The following INSL6 variants were observed in gnomAD, a reference collection of about 807,000 sequenced individuals.
INSL6 encodes insulin-like peptide INSL6.
In INSL6, 16 loss-of-function variants were observed where a neutral mutation model predicts 9.4. The observed-to-expected ratio is 1.70, with a 90% CI of 1.15 to 2.59. INSL6 has a LOEUF of 2.59. Among genes scored for constraint, INSL6 ranks in the 30% most tolerant of loss-of-function variants. The probability of loss-of-function intolerance (pLI) is 0.00; values close to 1 mark genes in which losing one functional copy is unlikely to be tolerated. For synonymous variants in INSL6, 154 were observed against 96.9 expected, an observed-to-expected ratio of 1.59 and a Z score of -3.46; for missense variants, 391 against 257.3, an observed-to-expected ratio of 1.52 and a Z score of -3.56.
intron 3 of INSL6, chr9:5,127,000 T>G: frequency 3.2e-6 from 1 of 309,898 alleles, no homozygotes; most frequent in Admixed American, 5.0e-5. Flanking sequence ...GAGAATTCCT[T>G]AGCAAGGATT....
chr9:5,073,527 C>G, the INSL6 span, among the ~76,000 whole-genome samples: 4 of 152,272 alleles, frequency 2.6e-5, no homozygotes, highest in African/African-American at 9.6e-5. Flanking sequence ...TTCCTCAGAA[C>G]GTTGATGGCA....
At chr9:5,116,130 C>T in the INSL6 span, among the ~76,000 whole-genome samples, 1 of 151,954 alleles carries the variant, frequency 6.6e-6, no homozygotes, top group South Asian at 2.1e-4. Flanking sequence ...TGGATAATCT[C>T]ATTTAATCCT....
chr9:5,088,207 C>T, the INSL6 span, among the ~76,000 whole-genome samples: 1 of 152,154 alleles, frequency 6.6e-6, no homozygotes, highest in Admixed American at 6.5e-5. Flanking sequence ...TAGTTCCAAT[C>T]TGACTTGAGA....
At chr9:5,183,995 G>A (rs12005718) in intron 1 of INSL6, among the ~76,000 whole-genome samples, 13,314 of 152,210 alleles carry the variant, frequency 0.087, 1,966 homozygotes, top group African/African-American at 0.31. Flanking sequence ...AGACTGGGGA[G>A]AGACACTTCC....
At chr9:5,166,692 A>C (rs1471433090) in intron 1 of INSL6, among the ~76,000 whole-genome samples, 1 of 152,190 alleles carries the variant, frequency 6.6e-6, no homozygotes, top group Non-Finnish European at 1.5e-5. Context: ...CCTTCAAAAA[A>C]ACACAGATAT....
chr9:4,996,743 C>T, the INSL6 span, among the ~76,000 whole-genome samples: 2 of 151,522 alleles, frequency 1.3e-5, no homozygotes, highest in Admixed American at 6.6e-5. Context: ...AAGTATTCTG[C>T]GATAATTGGA....
intron 2 of INSL6, among the ~76,000 whole-genome samples, chr9:5,135,984 T>C (rs752812405): frequency 3.3e-5 from 5 of 152,196 alleles, no homozygotes; most frequent in Non-Finnish European, 7.3e-5. Flanking sequence ...CCATCGGGAA[T>C]ACTATAAACA....
chr9:5,166,973 G>C (rs969889620), intron 1 of INSL6, among the ~76,000 whole-genome samples: 1 of 152,194 alleles, frequency 6.6e-6, no homozygotes, highest in South Asian at 2.1e-4. Flanking sequence ...CAAGATGGCT[G>C]AATAGAAACA....
At chr9:5,082,607 G>C in the INSL6 span, among the ~76,000 whole-genome samples, 3 of 152,336 alleles carry the variant, frequency 2.0e-5, no homozygotes, top group East Asian at 5.8e-4. Context: ...CTGGGGGACG[G>C]TCAGGTCTTT....
the INSL6 span, among the ~76,000 whole-genome samples, chr9:5,013,467 C>G: frequency 3.3e-5 from 5 of 152,160 alleles, no homozygotes; most frequent in African/African-American, 7.2e-5. Flanking sequence ...TTGGCTTCTT[C>G]TTCAGACCAC....
intron 1 of INSL6, among the ~76,000 whole-genome samples, chr9:5,172,038 A>G (rs761290566): frequency 9.2e-5 from 14 of 152,182 alleles, no homozygotes; most frequent in South Asian, 2.1e-4. Flanking sequence ...AATCCTAAGC[A>G]AAAAGAACAA....
chr9:5,049,743 T>C, the INSL6 span, among the ~76,000 whole-genome samples: 1 of 152,234 alleles, frequency 6.6e-6, no homozygotes, highest in Non-Finnish European at 1.5e-5. Context: ...ATTTTATTGT[T>C]CTGTGAATAT....
intron 1 of INSL6, among the ~76,000 whole-genome samples, chr9:5,173,922 T>C (rs571784952): frequency 3.3e-5 from 5 of 152,208 alleles, no homozygotes; most frequent in African/African-American, 7.2e-5. Context: ...AGAAAATTGA[T>C]GCAATCTGAA....
At chr9:5,008,140 G>A in the INSL6 span, among the ~76,000 whole-genome samples, 1 of 152,082 alleles carries the variant, frequency 6.6e-6, no homozygotes, top group Non-Finnish European at 1.5e-5. Context: ...TATTTGTTCA[G>A]TACTTTTAAG....
chr9:5,153,700 C>T (rs1179605909), intron 2 of INSL6, among the ~76,000 whole-genome samples: 2 of 152,154 alleles, frequency 1.3e-5, no homozygotes, highest in African/African-American at 4.8e-5. Context: ...AGAGCCAAAT[C>T]ATGAGTGAAG....
the INSL6 span, chr9:5,066,805 T>C: frequency 1.7e-6 from 2 of 1,152,930 alleles, no homozygotes; most frequent in Non-Finnish European, 2.5e-6. Context: ...TATGTCACAC[T>C]TATTAGTGGT....
At chr9:5,041,232 C>A in the INSL6 span, 3 of 1,470,278 alleles carry the variant, frequency 2.0e-6, no homozygotes, top group South Asian at 2.3e-5. Flanking sequence ...CGCCCGGGGA[C>A]CAAGCGGCAG....
chr9:5,123,246 G>GT (rs1823754550), downstream of INSL6: 10 of 571,384 alleles, frequency 1.8e-5, no homozygotes, highest in Non-Finnish European at 3.2e-5. Context: ...GAGCTTTTAG[G>GT]GTATCCACCA....
At chr9:5,164,392 A>C in intron 1 of INSL6, 127 bp from the exon 2 acceptor site, 1 of 645,410 alleles carries the variant, frequency 1.5e-6, no homozygotes, top group South Asian at 2.1e-5. Flanking sequence ...TAAAGAATGG[A>C]AAGTATGGTT....
Sources: allele counts gnomAD v4.1 joint callset (sites outside exome capture counted in the v4.1 genomes callset), GRCh38; gene constraint gnomAD v4.1.1; transcripts MANE v1.5; gene names NCBI Gene and HGNC (gene_info 2026-07-23, HGNC 2026-07-21).